The following UBE2D2 variants were observed in gnomAD, a reference collection of about 807,000 sequenced individuals.
UBE2D2 encodes ubiquitin-conjugating enzyme E2 D2.
UBE2D2 carries 2 observed loss-of-function variants against 24.2 expected under a neutral mutation model. That is an observed-to-expected ratio of 0.08 (90% CI 0.03 to 0.26). UBE2D2 has a LOEUF of 0.26. Ranked by LOEUF, UBE2D2 falls within the 10% of genes least tolerant of loss-of-function variation. UBE2D2 has a pLI of 1.00. For synonymous variants in UBE2D2, 58 were observed against 56.5 expected (o/e 1.03, Z -0.12); for missense variants, 44 against 177.6 (o/e 0.25, Z 4.28).
At position 139,561,727 on chromosome 5, in the gene UBE2D2, C is replaced by T. The variant is rs1657605169; in HGVS notation, c.-65C>T. Reference sequence around the variant, plus strand: ...GCCGAGGCGGCCTCAGGCTCCCTAGCCCCTTCCCCGTCCCTTCCCCGCCCC... The same window carrying T: ...GCCGAGGCGGCCTCAGGCTCCCTAGTCCCTTCCCCGTCCCTTCCCCGCCCC... On this transcript the variant is annotated 5_prime_UTR_variant, in exon 1 of 7. Transcript: ENST00000398733. 3.8e-6 allele frequency: 5 copies of T among 1,307,900 alleles called. No homozygotes were observed. The highest frequency in any genetic ancestry group is 3.1e-5 in the Admixed American group (1 of 32,762). The allele number at this position is 1,307,900 out of a possible 1,614,324, so 81.0% of individuals were successfully genotyped here. A position where few individuals can be genotyped will look rare whatever the true frequency, so the allele number is the denominator to read the frequency against.
At chr5:139,620,548 G>T (rs1195105887) in intron 5 of UBE2D2, among the ~76,000 whole-genome samples, 2 of 152,198 alleles carry the variant, frequency 1.3e-5, no homozygotes, top group African/African-American at 4.8e-5. Context: ...AATGCCAGCT[G>T]CCAGAATTGT....
intron 1 of UBE2D2, among the ~76,000 whole-genome samples, chr5:139,597,214 G>T (rs1247116755): frequency 1.3e-5 from 2 of 151,998 alleles, no homozygotes; most frequent in African/African-American, 4.8e-5. Context: ...CTCTTTTATA[G>T]TTATTCCCCC....
intron 1 of UBE2D2, chr5:139,555,002 G>T (rs949531988): frequency 6.6e-6 from 1 of 151,760 alleles, no homozygotes; most frequent in South Asian, 2.1e-4. Context: ...CATATTAGCC[G>T]CTCATTGTGA....
At chr5:139,595,544 A>G (rs1229619063) in intron 1 of UBE2D2, among the ~76,000 whole-genome samples, 1 of 151,858 alleles carries the variant, frequency 6.6e-6, no homozygotes, top group East Asian at 1.9e-4. Context: ...CGCCTGGCTA[A>G]TTTTTGTACT....
rs112134819 is a variant in UBE2D2 at position 139,619,050 on chromosome 5, G to A, written c.304+4084G>A. Among the ~76,000 whole-genome samples, 53 of 152,240 alleles carry A rather than the reference G, an allele frequency of 3.5e-4. 2 individuals carry two copies. In the Middle Eastern group the frequency reaches 0.01, roughly 29 times the overall value. On this transcript the variant is annotated intron_variant, in intron 5 of 6. Coordinates refer to ENST00000398733, the MANE Select transcript of UBE2D2 (RefSeq NM_003339.3). ...GGGAAGCAGATAAGTGTGCCATAAA[G>A]CCATTTGATTATATGTTTTTAGAAG... is the stretch of plus-strand genomic sequence containing the variant.
intron 1 of UBE2D2, among the ~76,000 whole-genome samples, chr5:139,570,439 C>T (rs1186197661): frequency 6.6e-6 from 1 of 152,174 alleles, no homozygotes; most frequent in African/African-American, 2.4e-5. Context: ...CTCCCAGGTT[C>T]AAGAGATTCT....
intron 1 of UBE2D2, among the ~76,000 whole-genome samples, chr5:139,552,580 C>A (rs1752934726): frequency 6.8e-6 from 1 of 146,720 alleles, no homozygotes; most frequent in Non-Finnish European, 1.5e-5. Flanking sequence ...GAGATCTCGG[C>A]TCACGGCAAC....
chr5:139,554,606 G>A (rs910432482), intron 1 of UBE2D2, among the ~76,000 whole-genome samples: 4 of 152,086 alleles, frequency 2.6e-5, no homozygotes, highest in Non-Finnish European at 1.5e-5. Flanking sequence ...TCTAGTTTTG[G>A]ACTATATACA....
intron 1 of UBE2D2, among the ~76,000 whole-genome samples, chr5:139,574,369 A>G (rs1002339047): frequency 2.0e-5 from 3 of 151,932 alleles, no homozygotes; most frequent in African/African-American, 4.8e-5. Flanking sequence ...CTCCTGGGGA[A>G]TGCTGCTGTA....
At chr5:139,602,198 C>T (rs1452585703) in intron 2 of UBE2D2, among the ~76,000 whole-genome samples, 3 of 152,098 alleles carry the variant, frequency 2.0e-5, no homozygotes, top group African/African-American at 4.8e-5. Context: ...ATTACAGGCA[C>T]CTGCCACCAC....
intron 1 of UBE2D2, among the ~76,000 whole-genome samples, chr5:139,591,320 A>G (rs552570001): frequency 3.9e-4 from 59 of 151,504 alleles, no homozygotes; most frequent in African/African-American, 1.4e-3. Flanking sequence ...GGGTTTCTCC[A>G]TGCTGGTCAG....
chr5:139,550,684 T>C (rs1046253294), intron 1 of UBE2D2, among the ~76,000 whole-genome samples: 5 of 151,044 alleles, frequency 3.3e-5, no homozygotes, highest in African/African-American at 1.2e-4. Flanking sequence ...GCCTCAATCC[T>C]GAGGCCACCG....
At chr5:139,560,624 G>A (rs527878472), upstream of UBE2D2, among the ~76,000 whole-genome samples, 1 of 152,280 alleles carries the variant, frequency 6.6e-6, no homozygotes, top group African/African-American at 2.4e-5. Flanking sequence ...GAGTCACCGC[G>A]CCCAGCCGTT....
At chr5:139,556,822 G>T (rs1477801248), upstream of UBE2D2, among the ~76,000 whole-genome samples, 1 of 150,518 alleles carries the variant, frequency 6.6e-6, no homozygotes, top group Non-Finnish European at 1.5e-5. Context: ...AAGAAAATCT[G>T]AATAGTTCCA....
intron 1 of UBE2D2, among the ~76,000 whole-genome samples, chr5:139,547,974 C>A (rs574251952): frequency 1.5e-3 from 234 of 151,792 alleles, no homozygotes; most frequent in African/African-American, 5.4e-3. Flanking sequence ...GGATTACAGG[C>A]GTGAGCCACC....
chr5:139,551,501 AGTGT>A (rs961964653), intron 1 of UBE2D2, among the ~76,000 whole-genome samples: 2 of 152,152 alleles, frequency 1.3e-5, no homozygotes, highest in African/African-American at 2.4e-5. Context: ...TACCATGAAG[AGTGT>A]GTGTGTGTTT....
intron 1 of UBE2D2, among the ~76,000 whole-genome samples, chr5:139,563,830 G>C (rs1452746931): frequency 6.6e-6 from 1 of 152,042 alleles, no homozygotes; most frequent in African/African-American, 2.4e-5. Flanking sequence ...AGCTACTCTG[G>C]AGGCTGAGGC....
intron 1 of UBE2D2, among the ~76,000 whole-genome samples, chr5:139,596,277 C>T (rs1360146021): frequency 6.6e-6 from 1 of 150,610 alleles, no homozygotes; most frequent in South Asian, 2.1e-4. Flanking sequence ...AGATCTGTTT[C>T]TGAATCTGAA....
At chr5:139,612,468 T>C (rs1254324591) in intron 2 of UBE2D2, 1 of 152,322 alleles carries the variant, frequency 6.6e-6, no homozygotes, top group Non-Finnish European at 1.5e-5. Context: ...GGCGCCACTG[T>C]GGCAGGCAGT....
Sources: allele counts gnomAD v4.1 joint callset (sites outside exome capture counted in the v4.1 genomes callset), GRCh38; gene constraint gnomAD v4.1.1; transcripts MANE v1.5; gene names NCBI Gene and HGNC (gene_info 2026-07-23, HGNC 2026-07-21).